Variants in AXIN1 observed in about 807,000 individuals in gnomAD.
The protein encoded by AXIN1 is axin 1.
In AXIN1, 30 loss-of-function variants were observed where a neutral mutation model predicts 76.4. The observed-to-expected ratio is 0.39, with a 90% CI of 0.29 to 0.53. AXIN1 has a LOEUF of 0.53. Among genes scored for constraint, AXIN1 ranks in the 20% least tolerant of loss-of-function variants. The pLI is 0.66. For missense variants in AXIN1, 1,140 were observed against 1,198.8 expected (o/e 0.95, Z 0.72); for synonymous variants, 545 against 501.4 (o/e 1.09, Z -1.16).
intron 1 of AXIN1, among the ~76,000 whole-genome samples, chr16:348,321 G>A (rs975198860): frequency 1.3e-5 from 2 of 152,216 alleles, no homozygotes; most frequent in Non-Finnish European, 2.9e-5. Flanking sequence ...CAAAAGCCTA[G>A]AGTGCTGAAC....
intron 5 of AXIN1, among the ~76,000 whole-genome samples, chr16:300,426 C>G (rs2052839384): frequency 6.6e-6 from 1 of 152,034 alleles, no homozygotes; most frequent in East Asian, 1.9e-4. Context: ...TCTTAAATTC[C>G]TGGCCTCAAG....
At chr16:348,041 T>G (rs1182684529) in intron 1 of AXIN1, among the ~76,000 whole-genome samples, 1 of 152,208 alleles carries the variant, frequency 6.6e-6, no homozygotes, top group Admixed American at 6.5e-5. Flanking sequence ...ACCCACCCTC[T>G]TAGACATCAG....
At chr16:340,929 A>C (rs1433104764) in intron 2 of AXIN1, among the ~76,000 whole-genome samples, 4 of 152,200 alleles carry the variant, frequency 2.6e-5, no homozygotes, top group Non-Finnish European at 4.4e-5. Context: ...CCACAGGGGA[A>C]CTGGATGCCT....
chr16:295,976 G>T (rs1415748074), intron 7 of AXIN1, among the ~76,000 whole-genome samples: 1 of 151,152 alleles, frequency 6.6e-6, no homozygotes, highest in African/African-American at 2.4e-5. Context: ...CAAAAAAAAA[G>T]ACTCGAAGGC....
At chr16:326,912 G>C (rs942612641) in intron 2 of AXIN1, among the ~76,000 whole-genome samples, 1 of 151,674 alleles carries the variant, frequency 6.6e-6, no homozygotes, top group African/African-American at 2.4e-5. Flanking sequence ...AGGCCGAGGC[G>C]GGGGGATCAC....
intron 2 of AXIN1, among the ~76,000 whole-genome samples, chr16:315,948 G>A (rs527288612): frequency 2.6e-5 from 4 of 152,026 alleles, no homozygotes; most frequent in Non-Finnish European, 5.9e-5. Flanking sequence ...AGCTACTTGG[G>A]AGGCTGAGGC....
Position 297,507 on chromosome 16 carries a change from C to T in AXIN1, c.1784+215G>A, listed in dbSNP as rs539921114. On this transcript the variant is annotated intron_variant, in intron 6 of 10. Transcript: ENST00000262320. The stretch of plus-strand genomic sequence containing the variant: ...TGAAGACTGAGGGCCAGAGCGGGAG[C>T]CAGGGTCGGGCTGTGTCCCCTAACC... Among the ~76,000 whole-genome samples, 7 of 152,320 alleles carry T rather than the reference C, an allele frequency of 4.6e-5. No homozygotes were observed. In the South Asian group the frequency reaches 1.0e-3, roughly 23 times the overall value.
intron 2 of AXIN1, among the ~76,000 whole-genome samples, chr16:324,089 G>A (rs1210462711): frequency 6.6e-6 from 1 of 152,178 alleles, no homozygotes; most frequent in African/African-American, 2.4e-5. Flanking sequence ...GGAGAGCCCT[G>A]CAGCCCACAA....
rs548033097 is a variant in AXIN1 at position 291,601 on chromosome 16, C to T, written c.2187-304G>A. 139 of 483,234 alleles carry T rather than the reference C, an allele frequency of 2.9e-4. 2 individuals carry two copies. Among genetic ancestry groups the T allele is most frequent in the South Asian group, 2.7e-3 (133 of 49,210 alleles). The allele number at this position is 483,234 out of a possible 1,614,324, so 29.9% of individuals were successfully genotyped here. ...CTGGGATCCCACCACCTCATCCCCT[C>T]TGGTGGGATGACATCTCGTCCCGAG... On this transcript the variant is annotated intron_variant, in intron 8 of 10. Coordinates refer to ENST00000262320, the MANE Select transcript of AXIN1 (RefSeq NM_003502.4).
At chr16:316,301 A>C (rs1010074222) in intron 2 of AXIN1, among the ~76,000 whole-genome samples, 8 of 152,358 alleles carry the variant, frequency 5.3e-5, no homozygotes, top group African/African-American at 1.7e-4. Flanking sequence ...TCACTCCTTC[A>C]CATCAAAATG....
intron 2 of AXIN1, among the ~76,000 whole-genome samples, chr16:341,875 G>A (rs1181111482): frequency 6.6e-6 from 1 of 152,248 alleles, no homozygotes; most frequent in Non-Finnish European, 1.5e-5. Flanking sequence ...AGCTACTCTG[G>A]TGGGGACTTG....
rs756622371 is a variant in AXIN1, at chr16:347,055, C to T, written c.-30G>A. 16 of 1,613,732 alleles carry T rather than the reference C, an allele frequency of 9.9e-6. No individual in the cohort carries two copies. The highest frequency in any genetic ancestry group is 4.4e-5 in the South Asian group (4 of 91,060). ...GGACTCTGCGTCAAGGAACAATGAG[C>T]GCTGCACCCTAATACATCAGTACTT... On this transcript the variant is annotated 5_prime_UTR_variant, in exon 2 of 11. Coordinates refer to ENST00000262320, the MANE Select transcript of AXIN1 (RefSeq NM_003502.4).
At chr16:332,374 G>A (rs1318322364) in intron 2 of AXIN1, among the ~76,000 whole-genome samples, 1 of 152,006 alleles carries the variant, frequency 6.6e-6, no homozygotes, top group Non-Finnish European at 1.5e-5. Context: ...TCAGGAGATG[G>A]AGACCATCCT....
At chr16:311,890 C>T (rs1440418873) in intron 3 of AXIN1, among the ~76,000 whole-genome samples, 3 of 152,342 alleles carry the variant, frequency 2.0e-5, no homozygotes, top group South Asian at 2.1e-4. Context: ...CTGAAGAGAG[C>T]GCCCGACCCA....
chr16:317,871 C>T (rs2053339129), intron 2 of AXIN1, among the ~76,000 whole-genome samples: 1 of 152,244 alleles, frequency 6.6e-6, no homozygotes, highest in African/African-American at 2.4e-5. Context: ...CTCCCTATTA[C>T]TATGAAGGAA....
intron 1 of AXIN1, among the ~76,000 whole-genome samples, chr16:347,964 A>C (rs2054066323): frequency 6.6e-6 from 1 of 152,268 alleles, no homozygotes; most frequent in South Asian, 2.1e-4. Flanking sequence ...AAGGAAATGC[A>C]AATACAATTT....
intron 5 of AXIN1, among the ~76,000 whole-genome samples, chr16:298,792 A>G (rs1426028038): frequency 6.6e-6 from 1 of 152,038 alleles, no homozygotes; most frequent in Non-Finnish European, 1.5e-5. Flanking sequence ...TTTTTGAGAC[A>G]GAGTCTTGCT....
intron 2 of AXIN1, among the ~76,000 whole-genome samples, chr16:341,348 G>A (rs1189674815): frequency 2.0e-5 from 3 of 152,232 alleles, no homozygotes; most frequent in African/African-American, 7.2e-5. Flanking sequence ...GGTGGGCCCG[G>A]CACTCAGAGC....
Position 293,421 on chromosome 16 carries a change from G to A in AXIN1, c.2186+67C>T. ...CCCTGAAGACCTCAGGCCTCGGGGA[G>A]CTTCAGCCCCAGGAGTGGTGCTGTG... On this transcript the variant is annotated intron_variant, in intron 8 of 10. Coordinates refer to ENST00000262320, the MANE Select transcript of AXIN1 (RefSeq NM_003502.4). The surrounding 1 kb of genome is among the most constrained non-coding windows in gnomAD (Gnocchi z 4.6). The A allele has an allele frequency of 2.6e-6, 4 of 1,510,656 alleles. No homozygotes were observed. The allele number at this position is 1,510,656 out of a possible 1,614,324, so 93.6% of individuals were successfully genotyped here. A position where few individuals can be genotyped will look rare whatever the true frequency, so the allele number is the denominator to read the frequency against.
Sources: gnomAD v4.1 joint callset for allele counts (sites outside exome capture counted in the v4.1 genomes callset) on GRCh38, gnomAD v4.1.1 for gene constraint, Gnocchi (gnomAD v3.1) non-coding constraint, MANE v1.5 for transcripts, NCBI Gene and HGNC (gene_info 2026-07-23, HGNC 2026-07-21) for gene names.